Variants in PRR11 observed in about 807,000 individuals in gnomAD.
PRR11 encodes proline-rich protein 11.
A neutral mutation model predicts 45.6 loss-of-function variants in PRR11; 30 were observed. The ratio of observed to expected loss-of-function variants is 0.66; its 90% CI spans 0.49 to 0.89. The LOEUF (loss-of-function observed/expected upper bound fraction) is 0.89. PRR11 is among the 40% of genes least tolerant of loss of function. PRR11 has a pLI of 0.00. For synonymous variants in PRR11, 128 were observed against 153.5 expected, an observed-to-expected ratio of 0.83 and a Z score of 1.23; for missense variants, 373 against 424.8, an observed-to-expected ratio of 0.88 and a Z score of 1.07.
intron 4 of PRR11, among the ~76,000 whole-genome samples, chr17:59,187,155 G>C (rs2046817844): frequency 6.6e-6 from 1 of 152,154 alleles, no homozygotes; most frequent in South Asian, 2.1e-4. Flanking sequence ...ACTGCTGTGA[G>C]CCGAGATCGT....
intron 2 of PRR11, among the ~76,000 whole-genome samples, chr17:59,181,091 G>A (rs1409936165): frequency 2.6e-5 from 4 of 151,580 alleles, no homozygotes; most frequent in South Asian, 4.1e-4. Context: ...CGGGGTTCAC[G>A]CCATTCTGCT....
chr17:59,180,127 C>CTTTT (rs564643757), intron 2 of PRR11, among the ~76,000 whole-genome samples: 3 of 114,938 alleles, frequency 2.6e-5, no homozygotes, highest in Non-Finnish European at 5.2e-5. Context: ...TGAGTCTCTC[C>CTTTT]TTTTTTTTTT....
At chr17:59,188,675 A>G (rs7215928) in intron 4 of PRR11, among the ~76,000 whole-genome samples, 8,898 of 152,138 alleles carry the variant, frequency 0.058, 510 homozygotes, top group African/African-American at 0.13. Flanking sequence ...GTGGTGGCTC[A>G]CACCTGTAAT....
intron 2 of PRR11, chr17:59,179,857 G>A: frequency 1.5e-6 from 2 of 1,343,854 alleles, no homozygotes; most frequent in Non-Finnish European, 2.1e-6. Flanking sequence ...ACCCACACAG[G>A]GGGCTGGGAT....
chr17:59,170,869 A>G lies in PRR11; in HGVS notation c.128+989A>G, dbSNP rs1343917946. Among the ~76,000 whole-genome samples the G allele has an allele frequency of 2.6e-5, 4 of 152,334 alleles. No homozygotes were observed. The East Asian group carries it at 7.7e-4, about 29-fold the overall frequency. ...TGATCACACTCACTGTGAAGGTGAG[A>G]AAACTTCATCTTTATTACGTTTCCC... On this transcript the variant is annotated intron_variant, in intron 2 of 9. Coordinates refer to ENST00000262293, the MANE Select transcript of PRR11 (RefSeq NM_018304.4).
chr17:59,172,545 G>C (rs926144370), intron 2 of PRR11, among the ~76,000 whole-genome samples: 1 of 152,242 alleles, frequency 6.6e-6, no homozygotes, highest in Non-Finnish European at 1.5e-5. Context: ...GGCGGGAACC[G>C]GGGCTGCGCG....
At chr17:59,157,548 A>G (rs1166713713) in intron 1 of PRR11, among the ~76,000 whole-genome samples, 3 of 152,132 alleles carry the variant, frequency 2.0e-5, no homozygotes, top group Admixed American at 1.3e-4. Flanking sequence ...CTAAAAATAC[A>G]AAAATTATCC....
intron 2 of PRR11, among the ~76,000 whole-genome samples, chr17:59,174,487 T>G (rs1383379038): frequency 6.6e-6 from 1 of 152,164 alleles, no homozygotes; most frequent in African/African-American, 2.4e-5. Context: ...TATTTATGAT[T>G]ATTTTTGAGT....
At chr17:59,172,181 G>C (rs2046712614) in intron 2 of PRR11, among the ~76,000 whole-genome samples, 1 of 152,178 alleles carries the variant, frequency 6.6e-6, no homozygotes, top group Admixed American at 6.6e-5. Context: ...TCTGCACTGT[G>C]CCTTCAAATG....
chr17:59,173,395 A>G (rs1271056948), intron 2 of PRR11, among the ~76,000 whole-genome samples: 3 of 152,218 alleles, frequency 2.0e-5, no homozygotes, highest in Admixed American at 6.5e-5. Context: ...TTTGCAATGA[A>G]TCTTGCTACT....
At chr17:59,172,738 C>A (rs998835160) in intron 2 of PRR11, among the ~76,000 whole-genome samples, 5 of 152,246 alleles carry the variant, frequency 3.3e-5, no homozygotes, top group African/African-American at 1.2e-4. Flanking sequence ...GATTTCTCGC[C>A]GGGCCTCAGC....
At chr17:59,168,006 A>T (rs1020193123) in intron 1 of PRR11, among the ~76,000 whole-genome samples, 4 of 151,922 alleles carry the variant, frequency 2.6e-5, no homozygotes, top group Admixed American at 6.6e-5. Flanking sequence ...CCTATTCAAG[A>T]TTGAGTTGCT....
intron 1 of PRR11, 99 bp from the exon 2 acceptor site, chr17:59,169,649 G>A (rs1798493067): frequency 1.7e-6 from 2 of 1,146,994 alleles, no homozygotes; most frequent in Non-Finnish European, 2.4e-6. Context: ...TCAAGGGTGT[G>A]TTCATGGTAT....
At chr17:59,156,057 A>C (rs1303044749) in intron 1 of PRR11, among the ~76,000 whole-genome samples, 1 of 152,154 alleles carries the variant, frequency 6.6e-6, no homozygotes, top group East Asian at 1.9e-4. Flanking sequence ...TTCCTTTTGA[A>C]CATTTCTTTA....
intron 1 of PRR11, among the ~76,000 whole-genome samples, chr17:59,161,351 G>A (rs550077518): frequency 1.4e-5 from 2 of 142,642 alleles, no homozygotes; most frequent in African/African-American, 2.6e-5. Flanking sequence ...AGGTTGCAGT[G>A]AACCGAGATC....
At chr17:59,178,445 A>G (rs1251400695) in intron 2 of PRR11, 2 of 501,544 alleles carry the variant, frequency 4.0e-6, no homozygotes, top group East Asian at 1.1e-4. Context: ...CTGAAGCAGG[A>G]ACACGGTTCC....
At chr17:59,157,169 C>T (rs1311220856) in intron 1 of PRR11, among the ~76,000 whole-genome samples, 1 of 152,174 alleles carries the variant, frequency 6.6e-6, no homozygotes, top group Non-Finnish European at 1.5e-5. Context: ...CTAGCTAACA[C>T]TTAGCAGGAA....
chr17:59,178,725 G>A (rs957944035), intron 2 of PRR11, among the ~76,000 whole-genome samples: 12 of 152,182 alleles, frequency 7.9e-5, no homozygotes, highest in Non-Finnish European at 1.5e-4. Flanking sequence ...CCCCTGAGAA[G>A]AGGCTGAAGG....
chr17:59,206,696 T>C lies in PRR11; in HGVS notation c.*5065T>C, dbSNP rs368342156. Among the ~76,000 whole-genome samples the C allele has an allele frequency of 9.9e-4, 150 of 152,128 alleles. 1 individual carries two copies. The South Asian group carries it at 0.031, about 31-fold the overall frequency. The stretch of plus-strand genomic sequence containing the variant: ...AATAAAGATTAATAAAAGTTTTGGT[T>C]TTTCTCTTTCTAACCTTCTTTTTAA... On this transcript the variant is annotated 3_prime_UTR_variant, in exon 10 of 10. Coordinates refer to ENST00000262293, the MANE Select transcript of PRR11 (RefSeq NM_018304.4).
Sources: allele counts gnomAD v4.1 joint callset (sites outside exome capture counted in the v4.1 genomes callset), GRCh38; gene constraint gnomAD v4.1.1; transcripts MANE v1.5; gene names NCBI Gene and HGNC (gene_info 2026-07-23, HGNC 2026-07-21).